The following ATP2B2 variants were observed in gnomAD, a reference collection of about 807,000 sequenced individuals.
ATP2B2 encodes plasma membrane calcium-transporting ATPase 2.
Under a neutral mutation model 120.0 loss-of-function variants are expected in ATP2B2, and 15 were observed. That is an observed-to-expected ratio of 0.12 (90% CI 0.08 to 0.19). The LOEUF (loss-of-function observed/expected upper bound fraction) is 0.19. ATP2B2 is among the 10% of genes least tolerant of loss of function. The probability of loss-of-function intolerance (pLI) is 1.00; values close to 1 mark genes in which losing one functional copy is unlikely to be tolerated. For missense variants in ATP2B2, 1,045 were observed against 1,719.8 expected, an observed-to-expected ratio of 0.61 and a Z score of 6.94; for synonymous variants, 694 against 700.3, an observed-to-expected ratio of 0.99 and a Z score of 0.14.
chr3:10,562,561 C>T (rs2067926715), intron 2 of ATP2B2, among the ~76,000 whole-genome samples: 1 of 152,132 alleles, frequency 6.6e-6, no homozygotes, highest in Non-Finnish European at 1.5e-5. Context: ...TTCCCTGACC[C>T]CTCACCTCCA....
At chr3:10,469,536 A>G (rs1363525326) in intron 1 of ATP2B2, among the ~76,000 whole-genome samples, 1 of 152,230 alleles carries the variant, frequency 6.6e-6, no homozygotes, top group Non-Finnish European at 1.5e-5. Flanking sequence ...TCCAGAAGCC[A>G]GCGTCAGGCC....
chr3:10,673,103 G>C (rs567516886), intron 1 of ATP2B2, among the ~76,000 whole-genome samples: 2 of 152,178 alleles, frequency 1.3e-5, no homozygotes, highest in Non-Finnish European at 2.9e-5. Flanking sequence ...AATGTTGTGA[G>C]GCTTAAGATG....
chr3:10,691,471 G>A (rs563651382), intron 1 of ATP2B2, among the ~76,000 whole-genome samples: 45 of 152,244 alleles, frequency 3.0e-4, no homozygotes, highest in African/African-American at 1.0e-3. Context: ...TCCAGCTGTG[G>A]TTCCTTGGAC....
At chr3:10,450,774 C>T (rs764855558) in intron 1 of ATP2B2, among the ~76,000 whole-genome samples, 15 of 152,176 alleles carry the variant, frequency 9.9e-5, no homozygotes, top group Non-Finnish European at 2.1e-4. Context: ...CCTGCCCGCC[C>T]GGCCACCCTT....
At chr3:10,440,562 C>T (rs1416194658) in intron 2 of ATP2B2, among the ~76,000 whole-genome samples, 2 of 152,226 alleles carry the variant, frequency 1.3e-5, no homozygotes, top group Non-Finnish European at 2.9e-5. Flanking sequence ...TGGTTGTCAT[C>T]ACAGGGCCTT....
intron 12 of ATP2B2, among the ~76,000 whole-genome samples, chr3:10,362,462 G>A (rs1169877784): frequency 6.6e-6 from 1 of 152,384 alleles, no homozygotes; most frequent in African/African-American, 2.4e-5. Flanking sequence ...GGAAAAAAAA[G>A]AGCCTTTGAA....
chr3:10,447,088 G>A (rs1161580570), intron 2 of ATP2B2, among the ~76,000 whole-genome samples: 1 of 152,206 alleles, frequency 6.6e-6, no homozygotes, highest in Non-Finnish European at 1.5e-5. Context: ...CACTAGTGCT[G>A]AGTCCTGGGG....
At chr3:10,407,305 T>G (rs2062447807) in intron 3 of ATP2B2, among the ~76,000 whole-genome samples, 1 of 152,220 alleles carries the variant, frequency 6.6e-6, no homozygotes, top group African/African-American at 2.4e-5. Flanking sequence ...TCAAACACAA[T>G]GTGAGCACCA....
intron 2 of ATP2B2, chr3:10,566,232 A>T (rs1432924007): frequency 6.6e-6 from 1 of 152,264 alleles, no homozygotes; most frequent in African/African-American, 2.4e-5. Flanking sequence ...ACCAAGTTCA[A>T]TAAATGACTT....
rs530555317 is a variant in ATP2B2 at position 10,433,156 on chromosome 3, C to T, written c.199+16189G>A. The stretch of plus-strand genomic sequence containing the variant: ...CTCAAGTGGACGGGAAACCCTTTAG[C>T]CACTTATGGGCTGAGGCGAAGTGTG... On this transcript the variant is annotated intron_variant, in intron 2 of 22. Coordinates refer to ENST00000360273, the MANE Select transcript of ATP2B2 (RefSeq NM_001001331.4). 3.3e-5 allele frequency among the ~76,000 whole-genome samples: 5 copies of T among 152,334 alleles called. No individual in the cohort carries two copies. In the East Asian group the frequency reaches 9.6e-4, roughly 29 times the overall value.
intron 2 of ATP2B2, among the ~76,000 whole-genome samples, chr3:10,431,863 G>C (rs1207768173): frequency 1.3e-5 from 2 of 152,116 alleles, no homozygotes; most frequent in Non-Finnish European, 1.5e-5. Flanking sequence ...CTGGCACCCT[G>C]AAACCCCACA....
chr3:10,537,332 C>T (rs989040022), intron 2 of ATP2B2, among the ~76,000 whole-genome samples: 8 of 152,174 alleles, frequency 5.3e-5, no homozygotes, highest in Admixed American at 1.3e-4. Flanking sequence ...TCCATGAACA[C>T]AAGTCTCTTC....
intron 1 of ATP2B2, among the ~76,000 whole-genome samples, chr3:10,462,765 A>G (rs1162541654): frequency 1.3e-5 from 2 of 152,098 alleles, no homozygotes; most frequent in African/African-American, 2.4e-5. Context: ...TGGATTAAAA[A>G]TTTTCACTGG....
intron 2 of ATP2B2, among the ~76,000 whole-genome samples, chr3:10,557,816 C>T (rs1342466034): frequency 1.3e-5 from 2 of 152,156 alleles, no homozygotes; most frequent in Non-Finnish European, 2.9e-5. Flanking sequence ...CATGCTGTTG[C>T]TATACCATCC....
intron 1 of ATP2B2, among the ~76,000 whole-genome samples, chr3:10,450,223 C>A (rs1275768678): frequency 6.6e-6 from 1 of 152,122 alleles, no homozygotes; most frequent in East Asian, 1.9e-4. Flanking sequence ...AACACCCAGG[C>A]CCCATGCACC....
chr3:10,629,993 C>T (rs17033270), intron 1 of ATP2B2, among the ~76,000 whole-genome samples: 8,491 of 152,156 alleles, frequency 0.056, 641 homozygotes, highest in East Asian at 0.41. Context: ...CAGGACAAAC[C>T]CCTTATCCTC....
chr3:10,400,503 C>A (rs773938557), intron 5 of ATP2B2, among the ~76,000 whole-genome samples: 1 of 152,196 alleles, frequency 6.6e-6, no homozygotes, highest in Non-Finnish European at 1.5e-5. Flanking sequence ...CGCCTCCCTG[C>A]TCCTCACTCC....
chr3:10,695,939 G>A (rs1348435250), intron 1 of ATP2B2, among the ~76,000 whole-genome samples: 2 of 152,202 alleles, frequency 1.3e-5, no homozygotes, highest in Non-Finnish European at 2.9e-5. Flanking sequence ...GTCAGTCTCA[G>A]ATGTCTTGGT....
At chr3:10,498,405 C>T (rs762330882) in intron 1 of ATP2B2, among the ~76,000 whole-genome samples, 1 of 152,254 alleles carries the variant, frequency 6.6e-6, no homozygotes, top group African/African-American at 2.4e-5. Context: ...GAGCTGGAGG[C>T]CAGCACCCTC....
Sources: gnomAD v4.1 joint callset for allele counts (sites outside exome capture counted in the v4.1 genomes callset) on GRCh38, gnomAD v4.1.1 for gene constraint, MANE v1.5 for transcripts, NCBI Gene and HGNC (gene_info 2026-07-23, HGNC 2026-07-21) for gene names.